ANXA4: variants seen among roughly 807,000 people sequenced by gnomAD.
ANXA4 encodes annexin A4.
A neutral mutation model predicts 49.8 loss-of-function variants in ANXA4; 39 were observed. The ratio of observed to expected loss-of-function variants is 0.78; its 90% CI spans 0.61 to 1.02. The LOEUF (loss-of-function observed/expected upper bound fraction) is 1.02. Among genes scored for constraint, ANXA4 ranks in the 50% least tolerant of loss-of-function variants. ANXA4 has a pLI of 0.00. For missense variants in ANXA4, 360 were observed against 410.1 expected, an observed-to-expected ratio of 0.88 and a Z score of 1.05; for synonymous variants, 134 against 152.5, an observed-to-expected ratio of 0.88 and a Z score of 0.89.
chr2:69,742,212 G>T (rs1171947812), intron 1 of ANXA4, 37 bp downstream of exon 1: 1 of 152,310 alleles, frequency 6.6e-6, no homozygotes, highest in Non-Finnish European at 1.5e-5. Context: ...CGGGGGTCCT[G>T]GGCTCAGGGA....
intron 1 of ANXA4, among the ~76,000 whole-genome samples, chr2:69,779,741 G>A (rs1214333946): frequency 3.3e-5 from 5 of 152,312 alleles, no homozygotes; most frequent in African/African-American, 4.8e-5. Flanking sequence ...TCAGCCGGCC[G>A]TGCAAGGCCC....
intron 2 of ANXA4, among the ~76,000 whole-genome samples, chr2:69,678,276 G>T (rs569864471): frequency 6.6e-6 from 1 of 150,402 alleles, no homozygotes; most frequent in African/African-American, 2.4e-5. Flanking sequence ...GACAGTTCTA[G>T]AAGTAGAATT....
intron 2 of ANXA4, among the ~76,000 whole-genome samples, chr2:69,656,363 ATATGTGTATATATG>A: frequency 7.6e-6 from 1 of 131,306 alleles, no homozygotes; most frequent in African/African-American, 3.0e-5. Context: ...ATGTGTATAT[ATATGTGTATATATG>A]TGTATATATA....
chr2:69,739,776 T>G (rs1010886918), upstream of ANXA4, among the ~76,000 whole-genome samples: 3 of 152,108 alleles, frequency 2.0e-5, no homozygotes, highest in African/African-American at 7.2e-5. Context: ...TTATATTAAT[T>G]TTTTAAATAC....
chr2:69,748,585 A>T (rs1553438033), intron 1 of ANXA4, among the ~76,000 whole-genome samples: 1 of 151,286 alleles, frequency 6.6e-6, no homozygotes, highest in Non-Finnish European at 1.5e-5. Context: ...ATTTCACATT[A>T]ATTTTATATT....
intron 3 of ANXA4, among the ~76,000 whole-genome samples, chr2:69,731,697 G>C (rs1427389739): frequency 1.3e-5 from 2 of 152,168 alleles, no homozygotes; most frequent in East Asian, 1.9e-4. Flanking sequence ...CTTGTCAGCT[G>C]TCATGCATCT....
intron 12 of ANXA4, among the ~76,000 whole-genome samples, chr2:69,824,807 A>G (rs1674391427): frequency 6.6e-6 from 1 of 152,180 alleles, no homozygotes; most frequent in Non-Finnish European, 1.5e-5. Flanking sequence ...CACGCCTGTA[A>G]TCCCAGCACT....
upstream of ANXA4, chr2:69,643,975 A>G: frequency 1.1e-6 from 1 of 903,086 alleles, no homozygotes; most frequent in Non-Finnish European, 1.4e-6. Flanking sequence ...CCCGAGCCGC[A>G]GGGCAAGCTG....
intron 3 of ANXA4, among the ~76,000 whole-genome samples, chr2:69,791,520 C>T (rs758479622): frequency 1.3e-5 from 2 of 152,172 alleles, no homozygotes; most frequent in South Asian, 4.1e-4. Context: ...TAGTAGTACA[C>T]TTTGCTTAGT....
intron 1 of ANXA4, among the ~76,000 whole-genome samples, chr2:69,747,450 T>C (rs1196225102): frequency 6.6e-6 from 1 of 152,220 alleles, no homozygotes; most frequent in Non-Finnish European, 1.5e-5. Context: ...GCTTCTGCTA[T>C]TGCTACTTTT....
intron 2 of ANXA4, among the ~76,000 whole-genome samples, chr2:69,653,893 A>G (rs1676342499): frequency 1.3e-5 from 2 of 152,298 alleles, no homozygotes; most frequent in Admixed American, 6.5e-5. Flanking sequence ...CATTTTCACA[A>G]TATTGATTCT....
intron 2 of ANXA4, among the ~76,000 whole-genome samples, chr2:69,716,201 G>C (rs1287672000): frequency 6.6e-6 from 1 of 152,168 alleles, no homozygotes; most frequent in Non-Finnish European, 1.5e-5. Flanking sequence ...CATTGTTTGG[G>C]TGTCTGGATC....
At chr2:69,815,816 C>A in intron 8 of ANXA4, 1 of 341,960 alleles carries the variant, frequency 2.9e-6, no homozygotes, top group Non-Finnish European at 5.4e-6. Context: ...TAGGGGACAG[C>A]CCAAATCTAG....
rs1674207629 is a variant in ANXA4 at position 69,820,715 on chromosome 2, A to G, written c.800A>G (p.Asp267Gly). 3 of 1,613,984 alleles carry G rather than the reference A, an allele frequency of 1.9e-6. No individual in the cohort carries two copies. Among genetic ancestry groups the G allele is most frequent in the African/African-American group, 1.3e-5 (1 of 74,918 alleles). Residue 267 changes from aspartate to glycine, a missense_variant, in exon 12 of 13, where the codon GAT becomes GGT. By Grantham distance (94) the Asp-to-Gly change is moderately conservative. Coordinates refer to ENST00000394295, the MANE Select transcript of ANXA4 (RefSeq NM_001153.5). ...CTTCCTTAGGGCTTGGGCACCGATG[A>G]TAACACCCTCATCAGAGTGATGGTT... The part of the protein sequence containing the change: ...YKSMKGLGTD[D>G]NTLIRVMVSR...
At chr2:69,649,906 G>A (rs1254419327) in intron 1 of ANXA4, among the ~76,000 whole-genome samples, 1 of 147,214 alleles carries the variant, frequency 6.8e-6, no homozygotes, top group Admixed American at 6.8e-5. Context: ...AAAGGTGTGA[G>A]CCACTGTGCC....
At chr2:69,825,241 T>C (rs1674421658) in intron 12 of ANXA4, among the ~76,000 whole-genome samples, 1 of 152,136 alleles carries the variant, frequency 6.6e-6, no homozygotes, top group African/African-American at 2.4e-5. Context: ...GTAAGAATAG[T>C]AGTCTCTAGA....
chr2:69,677,954 T>C (rs1008817050), intron 2 of ANXA4, among the ~76,000 whole-genome samples: 1 of 152,230 alleles, frequency 6.6e-6, no homozygotes, highest in Admixed American at 6.5e-5. Flanking sequence ...TTTTGTATTT[T>C]TAGACATAAT....
intron 2 of ANXA4, among the ~76,000 whole-genome samples, chr2:69,669,725 C>T (rs1677089478): frequency 6.6e-6 from 1 of 152,114 alleles, no homozygotes; most frequent in South Asian, 2.1e-4. Context: ...CCTTTATTTC[C>T]TGCACATAGT....
intron 3 of ANXA4, among the ~76,000 whole-genome samples, chr2:69,791,396 T>C (rs1295347865): frequency 3.3e-5 from 5 of 152,366 alleles, no homozygotes; most frequent in Middle Eastern, 3.4e-3. Flanking sequence ...AAATGGATTC[T>C]TGCTGCACTG....
Sources: allele counts gnomAD v4.1 joint callset (sites outside exome capture counted in the v4.1 genomes callset), GRCh38; gene constraint gnomAD v4.1.1; transcripts MANE v1.5; gene names NCBI Gene and HGNC (gene_info 2026-07-23, HGNC 2026-07-21).